The following UVSSA variants were observed in gnomAD, a reference collection of about 807,000 sequenced individuals.
UVSSA encodes UV-stimulated scaffold protein A.
A neutral mutation model predicts 73.9 loss-of-function variants in UVSSA; 72 were observed. That is an observed-to-expected ratio of 0.97 (90% CI 0.81 to 1.19). The LOEUF (loss-of-function observed/expected upper bound fraction) is 1.19. Among genes scored for constraint, UVSSA ranks in the 50% most tolerant of loss-of-function variants. The pLI, the probability that UVSSA is intolerant of heterozygous loss-of-function variation, is 0.00. For missense variants in UVSSA, 1,150 were observed against 965.0 expected, an observed-to-expected ratio of 1.19 and a Z score of -2.54; for synonymous variants, 454 against 391.3, an observed-to-expected ratio of 1.16 and a Z score of -1.89.
At chr4:1,370,864 C>A (rs1039599369) in intron 8 of UVSSA, among the ~76,000 whole-genome samples, 5 of 152,226 alleles carry the variant, frequency 3.3e-5, no homozygotes, top group Non-Finnish European at 7.3e-5. Flanking sequence ...TCCTCCTCTG[C>A]AACTCAGGGA....
downstream of UVSSA, chr4:1,390,437 G>A (rs1720386131): frequency 6.6e-6 from 1 of 152,152 alleles, no homozygotes; most frequent in Non-Finnish European, 1.5e-5. Flanking sequence ...GAGCCACCAA[G>A]CCTGGCTAAA....
At chr4:1,362,539 G>A (rs1716792845) in intron 7 of UVSSA, among the ~76,000 whole-genome samples, 1 of 152,212 alleles carries the variant, frequency 6.6e-6, no homozygotes, top group African/African-American at 2.4e-5. Context: ...ACCTCATTTT[G>A]TAGACATCTC....
rs751086316 is a variant in UVSSA at position 1,353,211 on chromosome 4, C to A, written c.732C>A (p.Asp244Glu). Residue 244 changes from aspartate (D) to glutamate (E), a missense_variant, in exon 5 of 14, where the codon GAC becomes GAA. Coordinates refer to ENST00000389851, the MANE Select transcript of UVSSA (RefSeq NM_020894.4). ...GCCCCTGCCGGTCTGGCACCCCTGA[C>A]CCCCGGGACGGGGAGCAGCCCTGCT... is the stretch of plus-strand genomic sequence containing the variant. ...QVGPCRSGTPDPRDGEQPCCS... is the reference protein window; with the variant it reads ...QVGPCRSGTPEPRDGEQPCCS... 3 of 1,612,450 alleles carry A rather than the reference C, an allele frequency of 1.9e-6. No individual in the cohort carries two copies. Among genetic ancestry groups the A allele is most frequent in the Non-Finnish European group, 2.5e-6 (3 of 1,179,844 alleles).
rs1401348772 is a variant in UVSSA at position 1,360,588 on chromosome 4, A to G, written c.1176+5343A>G. Among the ~76,000 whole-genome samples the G allele has an allele frequency of 2.6e-5, 4 of 152,156 alleles. No individual in the cohort carries two copies. In the East Asian group the frequency reaches 5.8e-4, roughly 22 times the overall value. The stretch of plus-strand genomic sequence containing the variant: ...GCCCAGAGGCTGGCGCCTGCTTCCC[A>G]GAGGCTGGCGTTCTGGCCCCTGTGG... On this transcript the variant is annotated intron_variant, in intron 7 of 13. Transcript: ENST00000389851.
chr4:1,395,838 C>T (rs766210583), exon 14 of UVSSA: 1 of 1,613,398 alleles, frequency 6.2e-7, no homozygotes, highest in Non-Finnish European at 8.5e-7. Context: ...TTCTCTGCAC[C>T]TCGAGATAAC....
intron 7 of UVSSA, among the ~76,000 whole-genome samples, chr4:1,363,511 T>C (rs1716925534): frequency 1.3e-5 from 2 of 152,238 alleles, no homozygotes; most frequent in South Asian, 4.1e-4. Context: ...CACTATATGT[T>C]ATGCATTGTA....
exon 14 of UVSSA, chr4:1,395,894 A>G (rs1274594761): frequency 3.8e-6 from 6 of 1,593,324 alleles, no homozygotes; most frequent in South Asian, 1.1e-5. Context: ...GTGTTTTTGT[A>G]AAATTGAATT....
In UVSSA at chr4:1,366,390, G is replaced by A. The variant is rs749813191; in HGVS notation, c.1247G>A (p.Gly416Glu). ...EDFVEVPEKE[G>E]YEPHIPDHLR... The stretch of plus-strand genomic sequence containing the variant: ...TTTGTGGAGGTCCCTGAGAAGGAGG[G>A]GTATGAGCCACACATCCCCGACCAC... The change falls in exon 8 of 14, where the codon GGG becomes GAG. Residue 416 changes from glycine (G) to glutamate (E), a missense_variant. Transcript: ENST00000389851. 1.2e-6 allele frequency: 2 copies of A among 1,613,628 alleles called. No individual in the cohort carries two copies. The highest frequency in any genetic ancestry group is 8.5e-7 in the Non-Finnish European group (1 of 1,179,774).
At chr4:1,343,858 A>C (rs1407559535), upstream of UVSSA, among the ~76,000 whole-genome samples, 1 of 152,006 alleles carries the variant, frequency 6.6e-6, no homozygotes, top group Non-Finnish European at 1.5e-5. Flanking sequence ...TTTTCCTTTC[A>C]TCTGAAGAGC....
At chr4:1,381,447 C>G (rs574468556) in intron 12 of UVSSA, among the ~76,000 whole-genome samples, 1 of 152,238 alleles carries the variant, frequency 6.6e-6, no homozygotes, top group Non-Finnish European at 1.5e-5. Flanking sequence ...CGTGTGGCCA[C>G]TGCTATGGCG....
chr4:1,375,937 C>T (rs1197222232), intron 9 of UVSSA, 97 bp from the exon 10 acceptor site: 17 of 1,519,050 alleles, frequency 1.1e-5, no homozygotes, highest in Non-Finnish European at 1.4e-5. Context: ...TGATCCGACC[C>T]GAGGCCCCAG....
upstream of UVSSA, among the ~76,000 whole-genome samples, chr4:1,346,124 C>T (rs974008976): frequency 4.6e-5 from 7 of 152,160 alleles, no homozygotes; most frequent in African/African-American, 1.7e-4. Context: ...AGAGGGGCGG[C>T]GCAGGGAGTC....
intron 13 of UVSSA, 57 bp from the exon 14 acceptor site, chr4:1,385,811 G>C: frequency 6.3e-7 from 1 of 1,590,876 alleles, no homozygotes. Flanking sequence ...CCGCCACTGG[G>C]AGCCCAGGCC....
chr4:1,343,977 T>C (rs574161985), upstream of UVSSA, among the ~76,000 whole-genome samples: 2 of 152,292 alleles, frequency 1.3e-5, no homozygotes, highest in African/African-American at 4.8e-5. Context: ...TTGCTGCATA[T>C]ACAGTTCTAG....
chr4:1,343,196 G>A (rs1236793559), upstream of UVSSA, among the ~76,000 whole-genome samples: 2 of 152,048 alleles, frequency 1.3e-5, no homozygotes, highest in East Asian at 1.9e-4. Context: ...GTTGGCTCCC[G>A]GTGAGGCCTC....
At chr4:1,381,915 C>T (rs1470816445) in intron 12 of UVSSA, among the ~76,000 whole-genome samples, 2 of 152,184 alleles carry the variant, frequency 1.3e-5, no homozygotes, top group African/African-American at 2.4e-5. Flanking sequence ...TCTCCTGTCT[C>T]ACCTCCCAAA....
At position 1,378,069 on chromosome 4, in the gene UVSSA, G is replaced by T. The variant is rs552169310; in HGVS notation, c.1568+1901G>T. Among the ~76,000 whole-genome samples, 72 of 152,344 alleles carry T rather than the reference G, an allele frequency of 4.7e-4. 1 individual carries two copies. Among genetic ancestry groups the T allele is most frequent in the African/African-American group, 1.4e-3 (59 of 41,586 alleles). On this transcript the variant is annotated intron_variant, in intron 10 of 13. Transcript: ENST00000389851. ...CCACATTCCCTCACCAAGTGGAGGG[G>T]TCCTGCCCTCTGGCTCTCAGCCACA... is the stretch of plus-strand genomic sequence containing the variant.
rs971017241 is a variant in UVSSA at position 1,353,395 on chromosome 4, G to A, written c.916G>A (p.Asp306Asn). 4 of 1,576,796 alleles carry A rather than the reference G, an allele frequency of 2.5e-6. No homozygotes were observed. The highest frequency in any genetic ancestry group is 2.6e-6 in the Non-Finnish European group (3 of 1,160,966). The change falls in exon 5 of 14, where the codon GAT (aspartate) becomes AAT (asparagine). Residue 306 changes from aspartate to asparagine, a missense_variant. By Grantham distance (23) the Asp-to-Asn change is conservative (BLOSUM62 1). Coordinates refer to ENST00000389851, the MANE Select transcript of UVSSA (RefSeq NM_020894.4). Reference protein sequence around the residue: ...HGLGSHKYTLDVELCSEGLKV... With the variant: ...HGLGSHKYTLNVELCSEGLKV... ...GCTGGGCTCGCACAAGTACACGCTGGATGTGGAGCTCTGCTCAGGTAACTG... is the reference window on the plus strand; with the variant it reads ...GCTGGGCTCGCACAAGTACACGCTGAATGTGGAGCTCTGCTCAGGTAACTG...
At chr4:1,385,193 C>G (rs561185576) in intron 13 of UVSSA, 1 of 152,546 alleles carries the variant, frequency 6.6e-6, no homozygotes, top group Non-Finnish European at 1.5e-5. Context: ...AGACCCCTCC[C>G]TACAGAAAGG....
Sources: gnomAD v4.1 joint callset for allele counts (sites outside exome capture counted in the v4.1 genomes callset) on GRCh38, gnomAD v4.1.1 for gene constraint, MANE v1.5 for transcripts, NCBI Gene and HGNC (gene_info 2026-07-23, HGNC 2026-07-21) for gene names.